The following TNKS variants were observed in gnomAD, a reference collection of about 807,000 sequenced individuals.
The protein encoded by TNKS is poly [ADP-ribose] polymerase tankyrase-1.
In TNKS, 72 loss-of-function variants were observed where a neutral mutation model predicts 135.8. The ratio of observed to expected loss-of-function variants is 0.53; its 90% confidence interval spans 0.44 to 0.64. TNKS has a LOEUF of 0.64. Among genes scored for constraint, TNKS ranks in the 30% least tolerant of loss-of-function variants. The probability of loss-of-function intolerance (pLI) is 0.00; values close to 1 mark genes in which losing one functional copy is unlikely to be tolerated. For missense variants in TNKS, 1,769 were observed against 1,674.0 expected (o/e 1.06, Z -0.99); for synonymous variants, 849 against 649.3 (o/e 1.31, Z -4.68).
chr8:9,678,402 A>ACT (rs1467723486), intron 3 of TNKS, among the ~76,000 whole-genome samples: 13 of 152,240 alleles, frequency 8.5e-5, no homozygotes, highest in Middle Eastern at 3.4e-3. Context: ...AATGACCTTT[A>ACT]CTCTGTCAGT....
At chr8:9,717,320 T>G (rs11776105) in intron 11 of TNKS, among the ~76,000 whole-genome samples, 15,901 of 151,654 alleles carry the variant, frequency 0.1, 1,264 homozygotes, top group Admixed American at 0.24. Flanking sequence ...TCATAGGAAG[T>G]GCTTTAACTA....
intron 3 of TNKS, among the ~76,000 whole-genome samples, chr8:9,641,129 C>T (rs1800712689): frequency 6.8e-6 from 1 of 146,162 alleles, no homozygotes; most frequent in East Asian, 2.1e-4. Flanking sequence ...TATTCAGTTA[C>T]AGGTGTGTTC....
chr8:9,680,230 C>A (rs1802726989), intron 4 of TNKS, among the ~76,000 whole-genome samples: 1 of 152,100 alleles, frequency 6.6e-6, no homozygotes, highest in Admixed American at 6.6e-5. Flanking sequence ...ACCCTAGTTG[C>A]CCAGCTTTTC....
At chr8:9,667,566 G>T (rs1802054173) in intron 3 of TNKS, among the ~76,000 whole-genome samples, 1 of 152,184 alleles carries the variant, frequency 6.6e-6, no homozygotes, top group Admixed American at 6.5e-5. Context: ...AATGATGTCA[G>T]AACTGTCTTG....
intron 20 of TNKS, among the ~76,000 whole-genome samples, chr8:9,760,901 C>CTAAT (rs1205690584): frequency 2.6e-5 from 4 of 152,176 alleles, no homozygotes; most frequent in African/African-American, 9.7e-5. Flanking sequence ...TAAAAAGAAT[C>CTAAT]TAATTTTCTT....
chr8:9,570,826 C>T (rs968696519), intron 1 of TNKS, among the ~76,000 whole-genome samples: 1 of 152,074 alleles, frequency 6.6e-6, no homozygotes, highest in Non-Finnish European at 1.5e-5. Context: ...CTACTGTATA[C>T]CCAGTGTGGT....
intron 3 of TNKS, among the ~76,000 whole-genome samples, chr8:9,640,004 C>T (rs543608090): frequency 6.6e-6 from 1 of 152,274 alleles, no homozygotes; most frequent in East Asian, 1.9e-4. Context: ...TGCTATAAAT[C>T]TTTTCCACTA....
At chr8:9,566,014 A>G (rs1024776531) in intron 1 of TNKS, among the ~76,000 whole-genome samples, 10 of 152,186 alleles carry the variant, frequency 6.6e-5, no homozygotes, top group Admixed American at 6.5e-4. Context: ...GTAAGTAGAC[A>G]TTGAAAAGTT....
intron 3 of TNKS, among the ~76,000 whole-genome samples, chr8:9,621,414 C>A (rs73523208): frequency 4.2e-4 from 63 of 151,764 alleles, no homozygotes; most frequent in African/African-American, 1.4e-3. Context: ...AAGCGATTCT[C>A]CTGCCTCTCA....
At chr8:9,703,487 T>A (rs1440776045) in intron 5 of TNKS, among the ~76,000 whole-genome samples, 1 of 152,202 alleles carries the variant, frequency 6.6e-6, no homozygotes, top group African/African-American at 2.4e-5. Flanking sequence ...CTGGGTTGCA[T>A]AATAAGTTCC....
chr8:9,750,505 C>T (rs574497741), intron 18 of TNKS, among the ~76,000 whole-genome samples: 1 of 152,274 alleles, frequency 6.6e-6, no homozygotes, highest in African/African-American at 2.4e-5. Context: ...TCCGTAAGAC[C>T]TCCTGTGGCA....
intron 5 of TNKS, among the ~76,000 whole-genome samples, chr8:9,688,423 C>G (rs1803109133): frequency 6.6e-6 from 1 of 152,192 alleles, no homozygotes; most frequent in Admixed American, 6.5e-5. Context: ...ATTATTAAAA[C>G]AATTGTTTGG....
rs982746609 is a variant in TNKS, at chr8:9,765,890, T to C, written c.3553+93T>C. 9.4e-6 allele frequency: 10 copies of C among 1,064,124 alleles called. No homozygotes were observed. The African/African-American group carries it at 1.1e-4, about 12-fold the overall frequency. The allele number at this position is 1,064,124 out of a possible 1,614,324, so 65.9% of individuals were successfully genotyped here. Reference sequence around the variant, plus strand: ...CTACGTTAAATTGACTATAATACGGTTGTGTTAAAAACGGCTTGTTTTGAT... The same window carrying C: ...CTACGTTAAATTGACTATAATACGGCTGTGTTAAAAACGGCTTGTTTTGAT... On this transcript the variant is annotated intron_variant, in intron 24 of 26. Transcript: ENST00000310430.
In TNKS at chr8:9,779,145, A is replaced by T. The variant is rs1372295048; in HGVS notation, c.*2409A>T. The T allele has an allele frequency of 6.6e-6, 1 of 152,178 alleles. No homozygotes were observed. The highest frequency in any genetic ancestry group is 1.5e-5 in the Non-Finnish European group (1 of 67,904). The allele number at this position is 152,178 out of a possible 1,614,324, so 9.4% of individuals were successfully genotyped here. Reference sequence around the variant, plus strand: ...TGCATATATTACTCATCTGCTTAAGAGAGTGGGTTAATGGATATATCAGAG... The same window carrying T: ...TGCATATATTACTCATCTGCTTAAGTGAGTGGGTTAATGGATATATCAGAG... On this transcript the variant is annotated 3_prime_UTR_variant, in exon 27 of 27. Transcript: ENST00000310430.
At position 9,708,512 on chromosome 8, in the gene TNKS, C is replaced by G; in HGVS notation, c.1578+20C>G. ...GCACTGGTAAGATTTTATTGTTAAT[C>G]TATTCCCTGTGTCTATAATAATAAC... On this transcript the variant is annotated intron_variant, in intron 9 of 26. Coordinates refer to ENST00000310430, the MANE Select transcript of TNKS (RefSeq NM_003747.3). The G allele has an allele frequency of 1.3e-6, 2 of 1,569,194 alleles. No homozygotes were observed. The highest frequency in any genetic ancestry group is 1.7e-6 in the Non-Finnish European group (2 of 1,158,464).
chr8:9,570,163 C>T (rs1797702077), intron 1 of TNKS, among the ~76,000 whole-genome samples: 1 of 151,908 alleles, frequency 6.6e-6, no homozygotes, highest in African/African-American at 2.4e-5. Context: ...AAATATAGGC[C>T]AGGTGTGATG....
intron 8 of TNKS, among the ~76,000 whole-genome samples, chr8:9,707,882 C>A (rs35874762): frequency 0.58 from 87,961 of 151,962 alleles, 25,732 homozygotes; most frequent in Middle Eastern, 0.71. Context: ...TATACCATTA[C>A]TTATGGTGTA....
chr8:9,574,227 A>G (rs1354385007), intron 1 of TNKS, among the ~76,000 whole-genome samples: 4 of 152,188 alleles, frequency 2.6e-5, no homozygotes, highest in African/African-American at 9.7e-5. Context: ...TTTATACATT[A>G]TATTACTTGA....
intron 5 of TNKS, among the ~76,000 whole-genome samples, chr8:9,698,130 C>G (rs1027367990): frequency 6.6e-5 from 10 of 151,998 alleles, no homozygotes; most frequent in African/African-American, 2.4e-4. Flanking sequence ...GGCCATTAAC[C>G]TAAACGAATT....
Sources: gnomAD v4.1 joint callset for allele counts (sites outside exome capture counted in the v4.1 genomes callset) on GRCh38, gnomAD v4.1.1 for gene constraint, MANE v1.5 for transcripts, NCBI Gene and HGNC (gene_info 2026-07-23, HGNC 2026-07-21) for gene names.